The following ARID4B variants were observed in gnomAD, a reference collection of about 807,000 sequenced individuals.
The protein encoded by ARID4B is AT-rich interactive domain-containing protein 4B.
In ARID4B, 26 loss-of-function variants were observed where a neutral mutation model predicts 147.5. That is an observed-to-expected ratio of 0.18 (90% confidence interval 0.13 to 0.24). ARID4B has a LOEUF of 0.24. Among genes scored for constraint, ARID4B ranks in the 10% least tolerant of loss-of-function variants. The pLI is 1.00. For missense variants in ARID4B, 1,179 were observed against 1,511.5 expected, an observed-to-expected ratio of 0.78 and a Z score of 3.65; for synonymous variants, 512 against 507.9, an observed-to-expected ratio of 1.01 and a Z score of -0.11.
intron 17 of ARID4B, among the ~76,000 whole-genome samples, chr1:235,197,110 T>A (rs925772967): frequency 1.3e-4 from 20 of 152,006 alleles, no homozygotes; most frequent in African/African-American, 4.8e-4. Context: ...GCAATAAAAC[T>A]ATTTGTTTAA....
intron 17 of ARID4B, among the ~76,000 whole-genome samples, chr1:235,208,578 C>T (rs1024277710): frequency 2.0e-5 from 3 of 152,096 alleles, no homozygotes; most frequent in African/African-American, 7.2e-5. Context: ...TCTCGGCTCA[C>T]CGCAACCTCC....
intron 2 of ARID4B, among the ~76,000 whole-genome samples, chr1:235,269,169 AGAATGAAT>A (rs773832734): frequency 6.6e-6 from 1 of 152,234 alleles, no homozygotes; most frequent in Non-Finnish European, 1.5e-5. Context: ...CATATTGACA[AGAATGAAT>A]GAATGAATGT....
chr1:235,294,933 A>G (rs971093166), intron 2 of ARID4B, among the ~76,000 whole-genome samples: 1 of 151,704 alleles, frequency 6.6e-6, no homozygotes, highest in African/African-American at 2.4e-5. Flanking sequence ...TAAATGTTCT[A>G]TTTTCAACTG....
At chr1:235,322,174 TCA>T (rs1284152541) in intron 2 of ARID4B, among the ~76,000 whole-genome samples, 5 of 152,032 alleles carry the variant, frequency 3.3e-5, no homozygotes, top group African/African-American at 1.2e-4. Flanking sequence ...CATTACAGGC[TCA>T]CACCACCATG....
intron 17 of ARID4B, among the ~76,000 whole-genome samples, chr1:235,198,296 A>G (rs1374291816): frequency 6.6e-6 from 1 of 152,200 alleles, no homozygotes; most frequent in Non-Finnish European, 1.5e-5. Flanking sequence ...ATTATCAATT[A>G]TATTTTGAAG....
At chr1:235,231,086 T>C in intron 10 of ARID4B, 27 bp downstream of exon 10, 5 of 1,478,124 alleles carry the variant, frequency 3.4e-6, no homozygotes, top group Non-Finnish European at 4.6e-6. Flanking sequence ...TTACAGTACT[T>C]GTAATTTATT....
intron 2 of ARID4B, among the ~76,000 whole-genome samples, chr1:235,272,859 TAAC>T (rs1671082145): frequency 1.3e-5 from 2 of 152,250 alleles, no homozygotes; most frequent in East Asian, 1.9e-4. Flanking sequence ...ATTTTGTACT[TAAC>T]AATCAGATCA....
At chr1:235,229,523 G>T in intron 10 of ARID4B, 138 bp from the exon 11 acceptor site, 1 of 642,192 alleles carries the variant, frequency 1.6e-6, no homozygotes, top group Non-Finnish European at 2.6e-6. Context: ...ACCAGAAACT[G>T]TGTTAAGTGC....
intron 20 of ARID4B, chr1:235,180,124 T>C (rs1417147627): frequency 7.1e-6 from 1 of 141,482 alleles, no homozygotes; most frequent in Non-Finnish European, 1.5e-5. Flanking sequence ...TTTTCTTTCT[T>C]TTCTTGTTTT....
intron 22 of ARID4B, 34 bp downstream of exon 22, chr1:235,175,150 G>C (rs1663770264): frequency 6.4e-7 from 1 of 1,558,926 alleles, no homozygotes; most frequent in East Asian, 2.2e-5. Flanking sequence ...CTAGGATGAA[G>C]TTTGTATGCT....
At position 235,302,915 on chromosome 1, in the gene ARID4B, G is replaced by C. The variant is rs1185432811; in HGVS notation, c.6+23999C>G. 2.0e-5 allele frequency among the ~76,000 whole-genome samples: 3 copies of C among 147,538 alleles called. 1 individual carries two copies. The highest frequency in any genetic ancestry group is 4.5e-5 in the Non-Finnish European group (3 of 67,222). ...GCCAGGATTAGAATTCAGTTTGAGA[G>C]TTTATATTCTTCTTTTTTTCTTTTT... On this transcript the variant is annotated intron_variant, in intron 2 of 23. Coordinates refer to ENST00000264183, the MANE Select transcript of ARID4B (RefSeq NM_016374.6).
At chr1:235,305,827 G>T (rs184926623) in intron 2 of ARID4B, among the ~76,000 whole-genome samples, 73 of 152,242 alleles carry the variant, frequency 4.8e-4, no homozygotes, top group African/African-American at 1.5e-3. Context: ...AGGCATGGTG[G>T]TGGACACCTG....
At chr1:235,229,506 G>A (rs928936535) in intron 10 of ARID4B, 121 bp from the exon 11 acceptor site, 1 of 704,262 alleles carries the variant, frequency 1.4e-6, no homozygotes, top group Non-Finnish European at 2.4e-6. Flanking sequence ...TTTATTGTTT[G>A]CTATGTACCA....
At position 235,255,652 on chromosome 1, in the gene ARID4B, T is replaced by G; in HGVS notation, c.274+8A>C. ...AACACATTTTTAAAAGAAAATTTAT[T>G]TTCTTACCTACAGTGTACCAACTCG... On this transcript the variant is annotated splice_region_variant and intron_variant, in intron 5 of 23. Coordinates refer to ENST00000264183, the MANE Select transcript of ARID4B (RefSeq NM_016374.6). 1 of 1,550,276 alleles carries G rather than the reference T, an allele frequency of 6.5e-7. No individual in the cohort carries two copies. Among genetic ancestry groups the G allele is most frequent in the Non-Finnish European group, 8.7e-7 (1 of 1,148,134 alleles).
chr1:235,241,544 G>A (rs1668980761), intron 7 of ARID4B, among the ~76,000 whole-genome samples: 1 of 152,054 alleles, frequency 6.6e-6, no homozygotes, highest in Non-Finnish European at 1.5e-5. Flanking sequence ...TTTTGAGGCG[G>A]AGTCTAGCTC....
At position 235,299,594 on chromosome 1, in the gene ARID4B, G is replaced by A. The variant is rs531910377; in HGVS notation, c.6+27320C>T. 2.0e-5 allele frequency among the ~76,000 whole-genome samples: 3 copies of A among 152,346 alleles called. No homozygotes were observed. In the South Asian group the frequency reaches 6.2e-4, roughly 32 times the overall value. Reference sequence around the variant, plus strand: ...ATTAACACCAGCCTCTAATACATCAGAGAGTTATTTACTCATAGAAACAAA... The same window carrying A: ...ATTAACACCAGCCTCTAATACATCAAAGAGTTATTTACTCATAGAAACAAA... On this transcript the variant is annotated intron_variant, in intron 2 of 23. Coordinates refer to ENST00000264183, the MANE Select transcript of ARID4B (RefSeq NM_016374.6).
At chr1:235,173,769 AAAATAT>A (rs1159372604) in intron 22 of ARID4B, among the ~76,000 whole-genome samples, 14 of 38,150 alleles carry the variant, frequency 3.7e-4, no homozygotes, top group Admixed American at 9.9e-4. Flanking sequence ...AAAAAAAAAA[AAAATAT>A]ATATATATAT....
intron 10 of ARID4B, among the ~76,000 whole-genome samples, 178 bp from the exon 11 acceptor site, chr1:235,229,563 T>G (rs538807259): frequency 6.6e-6 from 1 of 152,248 alleles, no homozygotes; most frequent in Non-Finnish European, 1.5e-5. Flanking sequence ...TTTAATCCTA[T>G]CCATCCTATG....
In ARID4B at chr1:235,231,117, C is replaced by T; in HGVS notation, c.738G>A (p.Lys246=). ...TTATTCCAAGATTATCCTTACCTTG[C>T]TTTAAAACAGCATCAGGCTTTGGTG... ...DTAPKPDAVL[K]QAFEQALEFH... is the part of the protein sequence containing the mutation. Residue 246 remains lysine (K), a synonymous_variant, in exon 10 of 24, where the codon AAG becomes AAA. Transcript: ENST00000264183. 1.1e-5 allele frequency: 17 copies of T among 1,578,974 alleles called. No homozygotes were observed. Among genetic ancestry groups the T allele is most frequent in the Non-Finnish European group, 1.4e-5 (16 of 1,162,366 alleles).
Sources: gnomAD v4.1 joint callset for allele counts (sites outside exome capture counted in the v4.1 genomes callset) on GRCh38, gnomAD v4.1.1 for gene constraint, MANE v1.5 for transcripts, NCBI Gene and HGNC (gene_info 2026-07-23, HGNC 2026-07-21) for gene names.